MSRA: variants seen among roughly 807,000 people sequenced by gnomAD.
The protein encoded by MSRA is mitochondrial peptide methionine sulfoxide reductase.
In MSRA, 54 loss-of-function variants were observed where a neutral mutation model predicts 31.3. That is an observed-to-expected ratio of 1.73 (90% CI 1.39 to 2.17). The LOEUF is 2.17. Among genes scored for constraint, MSRA ranks in the 30% most tolerant of loss-of-function variants. The pLI, the probability that MSRA is intolerant of heterozygous loss-of-function variation, is 0.00. For synonymous variants in MSRA, 169 were observed against 116.5 expected (o/e 1.45, Z -2.90); for missense variants, 507 against 300.9 (o/e 1.69, Z -5.07).
At chr8:10,271,471 A>G (rs1308568947) in intron 3 of MSRA, among the ~76,000 whole-genome samples, 3 of 12,292 alleles carry the variant, frequency 2.4e-4, no homozygotes, top group African/African-American at 5.7e-4. Context: ...ACTTTAAAAA[A>G]CTTTTTTAGG....
intron 5 of MSRA, among the ~76,000 whole-genome samples, chr8:10,391,513 T>C (rs1806745808): frequency 6.6e-6 from 1 of 152,228 alleles, no homozygotes; most frequent in Admixed American, 6.5e-5. Context: ...GAAAATATTG[T>C]TCATCACTTA....
intron 5 of MSRA, among the ~76,000 whole-genome samples, chr8:10,398,809 A>C (rs1355751215): frequency 6.6e-6 from 1 of 152,198 alleles, no homozygotes; most frequent in East Asian, 1.9e-4. Context: ...TTATTATGTC[A>C]AAAGAGTTGT....
In MSRA at chr8:10,104,101, G is replaced by A. The variant is rs574683366; in HGVS notation, c.142+49443G>A. The stretch of plus-strand genomic sequence containing the variant: ...AGGCTGTAGAGTGTCTCATTTTAGC[G>A]TAGCCATTCTTCTGTGGATGGGCGT... On this transcript the variant is annotated intron_variant, in intron 1 of 5. Transcript: ENST00000317173. 8.5e-5 allele frequency among the ~76,000 whole-genome samples: 13 copies of A among 152,210 alleles called. No homozygotes were observed. In the South Asian group the frequency reaches 1.2e-3, roughly 15 times the overall value.
At chr8:10,129,647 G>A (rs1298170792) in intron 1 of MSRA, among the ~76,000 whole-genome samples, 4 of 152,102 alleles carry the variant, frequency 2.6e-5, no homozygotes, top group Admixed American at 6.5e-5. Flanking sequence ...ATCAGAAGGG[G>A]TGGGAATGCT....
intron 3 of MSRA, among the ~76,000 whole-genome samples, chr8:10,249,480 C>T (rs1797804797): frequency 6.6e-6 from 1 of 152,180 alleles, no homozygotes; most frequent in Non-Finnish European, 1.5e-5. Context: ...TCATTTAAAC[C>T]TGTTTTAAAA....
At chr8:10,073,370 C>T (rs1474559557) in intron 1 of MSRA, among the ~76,000 whole-genome samples, 1 of 152,148 alleles carries the variant, frequency 6.6e-6, no homozygotes, top group African/African-American at 2.4e-5. Flanking sequence ...TATTGGAACA[C>T]AGGCATGCTT....
intron 5 of MSRA, among the ~76,000 whole-genome samples, chr8:10,408,773 T>C (rs577738431): frequency 1.7e-4 from 23 of 139,354 alleles, no homozygotes; most frequent in Non-Finnish European, 3.1e-4. Context: ...GTAACTATTA[T>C]GTTCTTGCAT....
chr8:10,174,000 C>G (rs191613867), intron 1 of MSRA, among the ~76,000 whole-genome samples: 1 of 152,066 alleles, frequency 6.6e-6, no homozygotes, highest in Non-Finnish European at 1.5e-5. Flanking sequence ...TAAGACAAGA[C>G]AAGATGTGAG....
chr8:10,156,927 C>G (rs1441620019), intron 1 of MSRA, among the ~76,000 whole-genome samples: 8 of 150,076 alleles, frequency 5.3e-5, no homozygotes, highest in Non-Finnish European at 1.2e-4. Flanking sequence ...ATAACAATAC[C>G]TGTCATTTAT....
intron 5 of MSRA, chr8:10,411,699 T>C (rs1808169115): frequency 6.6e-6 from 1 of 152,232 alleles, no homozygotes; most frequent in South Asian, 2.1e-4. Context: ...CAACCTTTAT[T>C]GTCTTAATCA....
intron 1 of MSRA, among the ~76,000 whole-genome samples, chr8:10,184,913 C>A (rs945114455): frequency 6.6e-6 from 1 of 152,146 alleles, no homozygotes; most frequent in Non-Finnish European, 1.5e-5. Context: ...GGAAAGAAAT[C>A]AAGGGTGAAC....
intron 1 of MSRA, among the ~76,000 whole-genome samples, chr8:10,078,695 A>T (rs1272388879): frequency 6.6e-6 from 1 of 152,234 alleles, no homozygotes; most frequent in Non-Finnish European, 1.5e-5. Context: ...AGCTGGTCCC[A>T]AGCTCCTTAG....
At chr8:10,233,911 A>G (rs1811710291) in intron 2 of MSRA, among the ~76,000 whole-genome samples, 1 of 152,202 alleles carries the variant, frequency 6.6e-6, no homozygotes, top group Non-Finnish European at 1.5e-5. Flanking sequence ...AGAATAATGA[A>G]AAAATATTAA....
chr8:10,322,233 C>G (rs1349496240), intron 5 of MSRA, among the ~76,000 whole-genome samples: 1 of 30,674 alleles, frequency 3.3e-5, no homozygotes, highest in African/African-American at 9.7e-5. Flanking sequence ...TCCCCATTTT[C>G]CAGATGCTCA....
chr8:10,279,509 T>A (rs1799503882), intron 3 of MSRA, among the ~76,000 whole-genome samples: 1 of 152,134 alleles, frequency 6.6e-6, no homozygotes, highest in Non-Finnish European at 1.5e-5. Context: ...CCTCCCACCC[T>A]ACCCCCCACA....
At chr8:10,082,395 AC>A (rs1054785418) in intron 1 of MSRA, among the ~76,000 whole-genome samples, 4 of 152,072 alleles carry the variant, frequency 2.6e-5, no homozygotes, top group African/African-American at 9.7e-5. Flanking sequence ...GCCTCATTTC[AC>A]AGCTTCTCCC....
intron 1 of MSRA, among the ~76,000 whole-genome samples, chr8:10,084,008 C>A (rs1422173612): frequency 6.6e-6 from 1 of 152,116 alleles, no homozygotes. Context: ...TTGAGGTCTT[C>A]GTATCAATAT....
At chr8:10,390,425 C>G (rs944966804) in intron 5 of MSRA, among the ~76,000 whole-genome samples, 1 of 152,216 alleles carries the variant, frequency 6.6e-6, no homozygotes, top group Non-Finnish European at 1.5e-5. Context: ...CCCAGGCTCC[C>G]CTGCGAGGGC....
intron 2 of MSRA, among the ~76,000 whole-genome samples, chr8:10,213,170 T>TC (rs1005215370): frequency 1.3e-5 from 2 of 152,128 alleles, no homozygotes; most frequent in African/African-American, 4.8e-5. Context: ...CCATTAACGA[T>TC]CCCCACCTTC....
Sources: gnomAD v4.1 joint callset for allele counts (sites outside exome capture counted in the v4.1 genomes callset) on GRCh38, gnomAD v4.1.1 for gene constraint, MANE v1.5 for transcripts, NCBI Gene and HGNC (gene_info 2026-07-23, HGNC 2026-07-21) for gene names.